The following PDE11A variants were observed in gnomAD, a reference collection of about 807,000 sequenced individuals.
The protein encoded by PDE11A is dual 3',5'-cyclic-AMP and -GMP phosphodiesterase 11A.
In PDE11A, 100 loss-of-function variants were observed where a neutral mutation model predicts 100.5. That is an observed-to-expected ratio of 1.00 (90% CI 0.85 to 1.18). The LOEUF (loss-of-function observed/expected upper bound fraction) is 1.18. PDE11A is among the 50% of genes most tolerant of loss of function. The pLI, the probability that PDE11A is intolerant of heterozygous loss-of-function variation, is 0.00. For missense variants in PDE11A, 1,141 were observed against 1,152.6 expected (o/e 0.99, Z 0.15); for synonymous variants, 381 against 420.8 (o/e 0.91, Z 1.16).
intron 9 of PDE11A, among the ~76,000 whole-genome samples, chr2:177,805,416 C>A (rs1423818481): frequency 6.6e-6 from 1 of 151,906 alleles, no homozygotes. Context: ...CAGTGCCCAA[C>A]CCAATGCTTA....
chr2:178,003,623 G>T (rs962248984), intron 2 of PDE11A, among the ~76,000 whole-genome samples: 1 of 152,030 alleles, frequency 6.6e-6, no homozygotes, highest in Non-Finnish European at 1.5e-5. Context: ...GTTTCTTCTG[G>T]GGTGATGGAA....
intron 2 of PDE11A, among the ~76,000 whole-genome samples, chr2:177,950,632 A>G (rs2085494455): frequency 6.6e-6 from 1 of 152,178 alleles, no homozygotes; most frequent in African/African-American, 2.4e-5. Flanking sequence ...CATGTTAATA[A>G]TGCTTCGTCC....
At chr2:177,790,572 C>A (rs1487405740) in intron 9 of PDE11A, among the ~76,000 whole-genome samples, 1 of 152,088 alleles carries the variant, frequency 6.6e-6, no homozygotes, top group African/African-American at 2.4e-5. Flanking sequence ...TTCTGCACAG[C>A]AAAAGAAACT....
chr2:177,734,991 T>A (rs2081753303), intron 10 of PDE11A, among the ~76,000 whole-genome samples: 1 of 152,238 alleles, frequency 6.6e-6, no homozygotes, highest in Non-Finnish European at 1.5e-5. Context: ...AGTACATATG[T>A]ATTGTGCATC....
chr2:178,007,797 C>T (rs757692486), intron 2 of PDE11A, among the ~76,000 whole-genome samples: 5 of 152,056 alleles, frequency 3.3e-5, no homozygotes, highest in Non-Finnish European at 7.4e-5. Flanking sequence ...CTCTGCCTCC[C>T]GGGTTCAAGC....
At chr2:177,922,159 C>T (rs897533553) in intron 2 of PDE11A, among the ~76,000 whole-genome samples, 1 of 152,134 alleles carries the variant, frequency 6.6e-6, no homozygotes, top group African/African-American at 2.4e-5. Context: ...TTATCTACAA[C>T]ACTGGATTAA....
At chr2:177,948,653 C>G (rs1021749856) in intron 2 of PDE11A, among the ~76,000 whole-genome samples, 14 of 152,146 alleles carry the variant, frequency 9.2e-5, no homozygotes, top group Non-Finnish European at 1.9e-4. Flanking sequence ...CCTATAATCT[C>G]AACACTTTGG....
intron 4 of PDE11A, among the ~76,000 whole-genome samples, chr2:177,890,310 C>T (rs1169456029): frequency 2.6e-5 from 4 of 152,222 alleles, no homozygotes; most frequent in South Asian, 2.1e-4. Context: ...TTCCACTCAC[C>T]CTGGCCACAC....
At chr2:177,839,646 A>G (rs2083456983) in intron 6 of PDE11A, among the ~76,000 whole-genome samples, 1 of 152,178 alleles carries the variant, frequency 6.6e-6, no homozygotes, top group African/African-American at 2.4e-5. Flanking sequence ...CACCAAAAAA[A>G]TGCCTCCTAC....
At chr2:178,105,664 G>GT (rs2087609470) in intron 1 of PDE11A, 1 of 720,158 alleles carries the variant, frequency 1.4e-6, no homozygotes, top group African/African-American at 1.8e-5. Flanking sequence ...CTCCATGGTG[G>GT]TACAGGATGG....
At chr2:177,984,000 C>A (rs2085913312) in intron 2 of PDE11A, among the ~76,000 whole-genome samples, 1 of 152,190 alleles carries the variant, frequency 6.6e-6, no homozygotes, top group Admixed American at 6.5e-5. Context: ...TAGCAATATA[C>A]CTTCTCTTTA....
intron 2 of PDE11A, among the ~76,000 whole-genome samples, chr2:177,992,394 G>A (rs748486487): frequency 1.4e-5 from 2 of 144,720 alleles, no homozygotes; most frequent in African/African-American, 2.6e-5. Context: ...CTGTCAAAAC[G>A]CCTGCATCAA....
At chr2:177,997,010 A>G (rs71423537) in intron 2 of PDE11A, among the ~76,000 whole-genome samples, 8,464 of 152,320 alleles carry the variant, frequency 0.056, 298 homozygotes, top group South Asian at 0.093. Context: ...TATCACTGTG[A>G]TTTTACCTTG....
intron 4 of PDE11A, among the ~76,000 whole-genome samples, chr2:177,890,760 A>G (rs990648611): frequency 2.0e-5 from 3 of 152,138 alleles, no homozygotes; most frequent in African/African-American, 7.2e-5. Context: ...TAAACTCATG[A>G]CTCCTTCTGG....
intron 10 of PDE11A, among the ~76,000 whole-genome samples, chr2:177,762,913 G>A (rs115001450): frequency 0.033 from 5,025 of 152,256 alleles, 140 homozygotes; most frequent in Non-Finnish European, 0.047. Context: ...CAGCAGGAGG[G>A]AAGACGAGCC....
chr2:178,043,817 T>C (rs1454346286), intron 1 of PDE11A, among the ~76,000 whole-genome samples: 1 of 152,198 alleles, frequency 6.6e-6, no homozygotes, highest in East Asian at 1.9e-4. Flanking sequence ...ATCAGTAACT[T>C]ATCTCATGTT....
intron 9 of PDE11A, among the ~76,000 whole-genome samples, chr2:177,773,671 A>G (rs1048834146): frequency 2.0e-5 from 3 of 152,164 alleles, no homozygotes. Context: ...TGTTTCTGAG[A>G]GTTCCTGTTT....
In PDE11A at chr2:177,820,248, A is replaced by G; in HGVS notation, c.1548T>C (p.Pro516=). 1.3e-6 allele frequency: 2 copies of G among 1,585,886 alleles called. No individual in the cohort carries two copies. Among genetic ancestry groups the G allele is most frequent in the Non-Finnish European group, 1.7e-6 (2 of 1,154,728 alleles). ...TTATTTGGTGGTTGCTATTCCAAAT[A>G]GGGACACAAAGAACAGATCTTATGT... is the stretch of plus-strand genomic sequence containing the variant. ...GFHIRSVLCV[P]IWNSNHQIIG... is the part of the protein sequence containing the mutation. The change falls in exon 7 of 20, where the codon CCT becomes CCC. Residue 516 remains proline, a synonymous_variant. Coordinates refer to ENST00000286063, the MANE Select transcript of PDE11A (RefSeq NM_016953.4).
chr2:178,061,574 A>T (rs1243494312), intron 1 of PDE11A, among the ~76,000 whole-genome samples: 3 of 152,208 alleles, frequency 2.0e-5, no homozygotes, highest in Non-Finnish European at 4.4e-5. Flanking sequence ...CTAAGTTAGA[A>T]TTCAAGCATG....
Sources: allele counts gnomAD v4.1 joint callset (sites outside exome capture counted in the v4.1 genomes callset), GRCh38; gene constraint gnomAD v4.1.1; transcripts MANE v1.5; gene names NCBI Gene and HGNC (gene_info 2026-07-23, HGNC 2026-07-21).